Variants in ZCWPW2 observed in about 807,000 individuals in gnomAD.
ZCWPW2 encodes zinc finger CW-type PWWP domain protein 2.
A neutral mutation model predicts 46.6 loss-of-function variants in ZCWPW2; 45 were observed. That is an observed-to-expected ratio of 0.96 (90% confidence interval 0.76 to 1.24). The LOEUF is 1.24. ZCWPW2 is among the 50% of genes most tolerant of loss of function. The pLI is 0.00. For synonymous variants in ZCWPW2, 152 were observed against 137.1 expected, an observed-to-expected ratio of 1.11 and a Z score of -0.76; for missense variants, 429 against 403.9, an observed-to-expected ratio of 1.06 and a Z score of -0.53.
rs1232481724 is a variant in ZCWPW2 at position 28,348,948 on chromosome 3, G to T, written c.-389G>T. On this transcript the variant is annotated 5_prime_UTR_variant, in exon 1 of 10. Coordinates refer to ENST00000383768, the MANE Select transcript of ZCWPW2 (RefSeq NM_001040432.4). Reference sequence around the variant, plus strand: ...GGCCGGAGGGAGGGGAAGCACTCCGGAAAGTGATTGGAAGTGTGGATGAGC... The same window carrying T: ...GGCCGGAGGGAGGGGAAGCACTCCGTAAAGTGATTGGAAGTGTGGATGAGC... 1.0e-6 allele frequency: 1 copy of T among 985,586 alleles called. No individual in the cohort carries two copies. The highest frequency in any genetic ancestry group is 1.2e-6 in the Non-Finnish European group (1 of 830,052). The allele number at this position is 985,586 out of a possible 1,614,324, so 61.1% of individuals were successfully genotyped here.
intron 1 of ZCWPW2, among the ~76,000 whole-genome samples, chr3:28,355,501 TTA>T (rs1197147251): frequency 2.5e-4 from 38 of 152,330 alleles, no homozygotes; most frequent in African/African-American, 8.7e-4. Context: ...AAAAACTACT[TTA>T]AAGTTCATAT....
rs1697281015 is a variant in ZCWPW2, at chr3:28,432,112, G to GTT, written c.333-2998_333-2997insTT. Among the ~76,000 whole-genome samples, 3 of 152,270 alleles carry GTT rather than the reference G, an allele frequency of 2.0e-5. No individual in the cohort carries two copies. The East Asian group carries it at 5.8e-4, about 29-fold the overall frequency. ...CCCTCCTACAACATGTGGGGATTAT[G>GTT]GGAATTACAATTCAAGATGAGATTT... On this transcript the variant is annotated intron_variant, in intron 3 of 9. Transcript: ENST00000383768.
chr3:28,417,058 T>TC (rs1491334997), intron 3 of ZCWPW2, among the ~76,000 whole-genome samples: 2 of 124,534 alleles, frequency 1.6e-5, no homozygotes, highest in African/African-American at 7.4e-5. Flanking sequence ...ATTCCCTCTC[T>TC]TTTTTTTTTT....
chr3:28,509,785 C>G lies in ZCWPW2; in HGVS notation c.658-4279C>G, dbSNP rs111318212. Among the ~76,000 whole-genome samples the G allele has an allele frequency of 7.8e-3, 1,185 of 151,886 alleles. 8 individuals are homozygous for G. Among genetic ancestry groups the G allele is most frequent in the Non-Finnish European group, 0.012 (812 of 67,924 alleles). On this transcript the variant is annotated intron_variant, in intron 6 of 9. Coordinates refer to ENST00000383768, the MANE Select transcript of ZCWPW2 (RefSeq NM_001040432.4). ...CTCATTATGTAGATTTTTTCACTTT[C>G]TTGATTGTGTCCGTTAAAATCACAG...
chr3:28,462,108 T>G (rs1698662184), intron 4 of ZCWPW2, among the ~76,000 whole-genome samples: 1 of 152,152 alleles, frequency 6.6e-6, no homozygotes, highest in East Asian at 1.9e-4. Flanking sequence ...TTTCCGGATC[T>G]GAGTTCCTTG....
chr3:28,505,987 T>A (rs905445422), intron 6 of ZCWPW2, among the ~76,000 whole-genome samples: 2 of 151,044 alleles, frequency 1.3e-5, no homozygotes, highest in African/African-American at 4.8e-5. Context: ...AAATCTAATG[T>A]AAACACAGTT....
At chr3:28,368,307 T>G (rs1050852962) in intron 1 of ZCWPW2, among the ~76,000 whole-genome samples, 2 of 152,190 alleles carry the variant, frequency 1.3e-5, no homozygotes, top group African/African-American at 4.8e-5. Flanking sequence ...CCATGTTTAG[T>G]GCTTCCTTCA....
chr3:28,506,767 G>A (rs1290528954), intron 6 of ZCWPW2, among the ~76,000 whole-genome samples: 4 of 152,034 alleles, frequency 2.6e-5, no homozygotes, highest in African/African-American at 9.7e-5. Flanking sequence ...GGAAACTAGT[G>A]TACTACCCAA....
chr3:28,450,231 T>C (rs1437979236), intron 4 of ZCWPW2, among the ~76,000 whole-genome samples: 1 of 152,220 alleles, frequency 6.6e-6, no homozygotes, highest in Admixed American at 6.5e-5. Flanking sequence ...TTATGGTTTA[T>C]AGCTTTCTGT....
intron 6 of ZCWPW2, among the ~76,000 whole-genome samples, chr3:28,504,695 G>A (rs1005065947): frequency 6.6e-6 from 1 of 152,068 alleles, no homozygotes; most frequent in Non-Finnish European, 1.5e-5. Flanking sequence ...TTGTTCTTAG[G>A]AAAAATCTGT....
At chr3:28,493,138 A>ATTTTT (rs1173597960) in intron 6 of ZCWPW2, among the ~76,000 whole-genome samples, 5 of 56,628 alleles carry the variant, frequency 8.8e-5, no homozygotes, top group Non-Finnish European at 1.3e-4. Flanking sequence ...TTTTTATTTT[A>ATTTTT]TTTTTTTTAA....
At chr3:28,400,509 T>G (rs1248688309) in intron 2 of ZCWPW2, among the ~76,000 whole-genome samples, 1 of 152,100 alleles carries the variant, frequency 6.6e-6, no homozygotes, top group Non-Finnish European at 1.5e-5. Context: ...AAAGTTAAGA[T>G]GAAGGAAAGA....
chr3:28,500,758 C>T (rs1440017660), intron 6 of ZCWPW2, among the ~76,000 whole-genome samples: 2 of 152,126 alleles, frequency 1.3e-5, no homozygotes, highest in Admixed American at 1.3e-4. Flanking sequence ...AATTCATGTA[C>T]TGCAACTCAC....
intron 5 of ZCWPW2, among the ~76,000 whole-genome samples, chr3:28,485,453 T>C (rs564567664): frequency 6.6e-6 from 1 of 152,288 alleles, no homozygotes; most frequent in South Asian, 2.1e-4. Flanking sequence ...CTGTGTCTTT[T>C]TGCTGGATTT....
chr3:28,352,575 G>C (rs928604571), intron 1 of ZCWPW2, among the ~76,000 whole-genome samples: 1 of 151,960 alleles, frequency 6.6e-6, no homozygotes, highest in Non-Finnish European at 1.5e-5. Flanking sequence ...AGTTACAGTT[G>C]CTTTAGAAAA....
At chr3:28,511,856 C>T in intron 6 of ZCWPW2, among the ~76,000 whole-genome samples, 1 of 152,102 alleles carries the variant, frequency 6.6e-6, no homozygotes, top group Admixed American at 6.6e-5. Context: ...AAAGTACATT[C>T]TGTAGTAGCT....
intron 4 of ZCWPW2, among the ~76,000 whole-genome samples, chr3:28,452,717 G>T (rs1698273213): frequency 1.3e-5 from 2 of 152,316 alleles, no homozygotes; most frequent in Admixed American, 6.5e-5. Flanking sequence ...CTCAATAAAT[G>T]TTAGTTGTTA....
intron 6 of ZCWPW2, among the ~76,000 whole-genome samples, chr3:28,502,457 A>C (rs1301229358): frequency 6.6e-6 from 1 of 152,100 alleles, no homozygotes; most frequent in Non-Finnish European, 1.5e-5. Context: ...TGCTTCATGG[A>C]TCTGTCTTCA....
intron 5 of ZCWPW2, among the ~76,000 whole-genome samples, chr3:28,479,597 G>A (rs1216854240): frequency 1.3e-5 from 2 of 152,114 alleles, no homozygotes; most frequent in Non-Finnish European, 2.9e-5. Context: ...TCATGGAGAT[G>A]TGTTATAAAG....
Sources: gnomAD v4.1 joint callset for allele counts (sites outside exome capture counted in the v4.1 genomes callset) on GRCh38, gnomAD v4.1.1 for gene constraint, MANE v1.5 for transcripts, NCBI Gene and HGNC (gene_info 2026-07-23, HGNC 2026-07-21) for gene names.